Variants in HS3ST5 observed in about 807,000 individuals in gnomAD.
The protein encoded by HS3ST5 is heparan sulfate glucosamine 3-O-sulfotransferase 5.
In HS3ST5, 10 loss-of-function variants were observed where a neutral mutation model predicts 25.4. The ratio of observed to expected loss-of-function variants is 0.39; its 90% CI spans 0.24 to 0.67. The LOEUF (loss-of-function observed/expected upper bound fraction) is 0.67. HS3ST5 is among the 30% of genes least tolerant of loss of function. HS3ST5 has a pLI of 0.44. For missense variants in HS3ST5, 324 were observed against 420.7 expected (o/e 0.77, Z 2.01); for synonymous variants, 170 against 162.4 (o/e 1.05, Z -0.36).
chr6:114,188,363 A>G lies in HS3ST5; in HGVS notation c.-144-19901T>C, dbSNP rs111700588. ...AGCATTTAGCACAATTGATAGTTAC[A>G]TGTTTATATAACTGTATCATATCTG... On this transcript the variant is annotated intron_variant, in intron 2 of 4. Transcript: ENST00000312719. 2.4e-3 allele frequency among the ~76,000 whole-genome samples: 369 copies of G among 152,328 alleles called. 2 individuals are homozygous for G. The highest frequency in any genetic ancestry group is 6.8e-3 in the Middle Eastern group (2 of 294).
chr6:114,299,252 G>C (rs1291590865), intron 1 of HS3ST5, among the ~76,000 whole-genome samples: 1 of 152,128 alleles, frequency 6.6e-6, no homozygotes, highest in Non-Finnish European at 1.5e-5. Flanking sequence ...AGGCTTATTA[G>C]GACAAGGAAA....
chr6:114,277,668 GA>G (rs1286048157), intron 1 of HS3ST5, among the ~76,000 whole-genome samples: 5 of 151,878 alleles, frequency 3.3e-5, no homozygotes, highest in African/African-American at 1.2e-4. Flanking sequence ...AAGGGAAGGG[GA>G]AATAGTTCCC....
At chr6:114,073,756 G>T (rs1209754684) in intron 3 of HS3ST5, among the ~76,000 whole-genome samples, 1 of 152,170 alleles carries the variant, frequency 6.6e-6, no homozygotes. Context: ...CAAGGATCTA[G>T]AACCAGAAAT....
intron 1 of HS3ST5, among the ~76,000 whole-genome samples, chr6:114,274,458 C>A (rs1773765296): frequency 6.6e-6 from 1 of 151,970 alleles, no homozygotes. Flanking sequence ...CTCACATAAA[C>A]TAGGAGTTGT....
At chr6:114,336,031 A>G (rs1448259562) in intron 1 of HS3ST5, among the ~76,000 whole-genome samples, 2 of 152,196 alleles carry the variant, frequency 1.3e-5, no homozygotes, top group African/African-American at 4.8e-5. Flanking sequence ...AAGTCTTAAA[A>G]CACATAATTC....
chr6:114,224,707 C>G (rs1782208014), intron 2 of HS3ST5, among the ~76,000 whole-genome samples: 1 of 150,900 alleles, frequency 6.6e-6, no homozygotes, highest in Non-Finnish European at 1.5e-5. Flanking sequence ...TATACACACA[C>G]ACACACACAC....
chr6:114,251,102 A>G (rs1405899286), intron 1 of HS3ST5, among the ~76,000 whole-genome samples: 4 of 152,214 alleles, frequency 2.6e-5, no homozygotes, highest in Non-Finnish European at 5.9e-5. Context: ...AGCATGGGAA[A>G]AGCCAATACA....
chr6:114,294,223 A>C (rs933420464), intron 1 of HS3ST5, among the ~76,000 whole-genome samples: 3 of 152,276 alleles, frequency 2.0e-5, no homozygotes, highest in African/African-American at 7.2e-5. Context: ...TGGAAGCAGA[A>C]AAAAAACCTG....
chr6:114,167,053 A>G (rs1779249017), intron 3 of HS3ST5, among the ~76,000 whole-genome samples: 1 of 152,208 alleles, frequency 6.6e-6, no homozygotes, highest in Non-Finnish European at 1.5e-5. Context: ...TGGTGCGATC[A>G]TAGCTCATTG....
In HS3ST5 at chr6:114,057,332, A is replaced by T; in HGVS notation, c.966T>A (p.Thr322=). ...AAGGATGAAAGAATTTGCGCAATTT[A>T]GTAATGACAGAGGGGTCCACCTCTG... ...IHPEVDPSVI[T]KLRKFFHPFN... The change falls in exon 5 of 5, where the codon ACT becomes ACA. Residue 322 remains threonine, a synonymous_variant. Transcript: ENST00000312719. The T allele has an allele frequency of 6.2e-7, 1 of 1,614,126 alleles. No individual in the cohort carries two copies. The highest frequency in any genetic ancestry group is 1.1e-5 in the South Asian group (1 of 91,074).
At chr6:114,125,151 T>C (rs1025374660) in intron 3 of HS3ST5, among the ~76,000 whole-genome samples, 2 of 152,144 alleles carry the variant, frequency 1.3e-5, no homozygotes, top group African/African-American at 2.4e-5. Context: ...TTTTTTTAAA[T>C]ACAAAACACT....
chr6:114,320,956 G>A (rs1269237759), intron 1 of HS3ST5, among the ~76,000 whole-genome samples: 1 of 149,754 alleles, frequency 6.7e-6, no homozygotes, highest in Non-Finnish European at 1.5e-5. Context: ...TAAAGCCAGG[G>A]TCTCACTAGG....
intron 3 of HS3ST5, among the ~76,000 whole-genome samples, chr6:114,067,031 G>C (rs1025685608): frequency 6.6e-6 from 1 of 152,206 alleles, no homozygotes; most frequent in East Asian, 1.9e-4. Context: ...TGTCAGGTCA[G>C]CCCCTGCACT....
intron 1 of HS3ST5, among the ~76,000 whole-genome samples, chr6:114,239,649 T>A (rs997149439): frequency 6.6e-6 from 1 of 152,182 alleles, no homozygotes; most frequent in Non-Finnish European, 1.5e-5. Flanking sequence ...TTTCTGCAGT[T>A]GGATGCAGTT....
At chr6:114,216,351 C>G (rs1213857485) in intron 2 of HS3ST5, among the ~76,000 whole-genome samples, 4 of 152,168 alleles carry the variant, frequency 2.6e-5, no homozygotes, top group Non-Finnish European at 4.4e-5. Context: ...ACCAGCATAT[C>G]ATAAATGCAT....
At chr6:114,227,552 A>G (rs563694781) in intron 2 of HS3ST5, among the ~76,000 whole-genome samples, 88 of 152,204 alleles carry the variant, frequency 5.8e-4, no homozygotes, top group African/African-American at 2.0e-3. Flanking sequence ...TATAGGAAAC[A>G]GAAATACAAT....
intron 3 of HS3ST5, among the ~76,000 whole-genome samples, chr6:114,166,007 C>T (rs1021320220): frequency 2.0e-5 from 3 of 151,764 alleles, no homozygotes; most frequent in Non-Finnish European, 4.4e-5. Context: ...ACAGCAAGAC[C>T]CCATCTCTAA....
chr6:114,246,365 G>GT (rs111437995), intron 1 of HS3ST5, among the ~76,000 whole-genome samples: 2 of 152,146 alleles, frequency 1.3e-5, no homozygotes, highest in Non-Finnish European at 2.9e-5. Context: ...AAGTCACAGT[G>GT]TTTTTTTGAG....
intron 2 of HS3ST5, among the ~76,000 whole-genome samples, chr6:114,210,517 G>C (rs1582718870): frequency 6.6e-6 from 1 of 152,146 alleles, no homozygotes; most frequent in East Asian, 1.9e-4. Flanking sequence ...GGCTTACTAT[G>C]AACGCAAAAC....
Sources: allele counts gnomAD v4.1 joint callset (sites outside exome capture counted in the v4.1 genomes callset), GRCh38; gene constraint gnomAD v4.1.1; transcripts MANE v1.5; gene names NCBI Gene and HGNC (gene_info 2026-07-23, HGNC 2026-07-21).